ARSJ: variants seen among roughly 807,000 people sequenced by gnomAD.
The protein encoded by ARSJ is arylsulfatase J.
ARSJ carries 26 observed loss-of-function variants against 35.9 expected under a neutral mutation model. The ratio of observed to expected loss-of-function variants is 0.72; its 90% CI spans 0.53 to 1.00. ARSJ has a LOEUF of 1.00. ARSJ is among the 50% of genes least tolerant of loss of function. The pLI, the probability that ARSJ is intolerant of heterozygous loss-of-function variation, is 0.00. For missense variants in ARSJ, 667 were observed against 723.6 expected (o/e 0.92, Z 0.90); for synonymous variants, 294 against 267.6 (o/e 1.10, Z -0.96).
intron 1 of ARSJ, among the ~76,000 whole-genome samples, chr4:113,968,561 C>G (rs1490711623): frequency 1.3e-5 from 2 of 152,074 alleles, no homozygotes; most frequent in Non-Finnish European, 2.9e-5. Context: ...GAACACTCTA[C>G]CAAAGGAAGC....
At chr4:113,917,339 G>A (rs1181639085) in intron 1 of ARSJ, among the ~76,000 whole-genome samples, 1 of 151,992 alleles carries the variant, frequency 6.6e-6, no homozygotes, top group Non-Finnish European at 1.5e-5. Flanking sequence ...CCATATTCTT[G>A]AGCTTTTGCA....
chr4:113,932,673 T>C (rs1012494456), intron 1 of ARSJ, among the ~76,000 whole-genome samples: 3 of 151,868 alleles, frequency 2.0e-5, no homozygotes, highest in African/African-American at 7.2e-5. Context: ...AAAACTGATA[T>C]ATAACATACC....
intron 1 of ARSJ, among the ~76,000 whole-genome samples, chr4:113,939,828 G>C (rs1018966599): frequency 6.7e-4 from 102 of 152,092 alleles, no homozygotes; most frequent in Non-Finnish European, 1.0e-3. Flanking sequence ...TTAGCCCTTT[G>C]TCAGATGAGT....
At chr4:113,915,997 A>G (rs1430089401) in intron 1 of ARSJ, among the ~76,000 whole-genome samples, 2 of 152,212 alleles carry the variant, frequency 1.3e-5, no homozygotes, top group African/African-American at 4.8e-5. Flanking sequence ...TTAATCTCAC[A>G]TGCTCTCTAG....
At position 113,979,248 on chromosome 4, in the gene ARSJ, G is replaced by C. The variant is rs563488043; in HGVS notation, c.-414C>G. ...TGGGGAGCGAGGCTGACTCTCCTGG[G>C]AGTGCTGGTACGGAGGGCGGCGGGA... On this transcript the variant is annotated 5_prime_UTR_variant, in exon 1 of 2. Transcript: ENST00000315366. The C allele has an allele frequency of 6.0e-6, 1 of 165,742 alleles. No homozygotes were observed. The highest frequency in any genetic ancestry group is 1.3e-5 in the Non-Finnish European group (1 of 76,010). The allele number at this position is 165,742 out of a possible 1,614,324, so 10.3% of individuals were successfully genotyped here.
chr4:113,911,734 A>G (rs772223185), intron 1 of ARSJ, among the ~76,000 whole-genome samples: 4 of 152,186 alleles, frequency 2.6e-5, no homozygotes, highest in Admixed American at 6.6e-5. Flanking sequence ...GCATTTAGCT[A>G]GAGGCACCTG....
intron 1 of ARSJ, among the ~76,000 whole-genome samples, chr4:113,930,742 A>G (rs1724388691): frequency 2.0e-5 from 3 of 150,778 alleles, no homozygotes; most frequent in Non-Finnish European, 4.4e-5. Context: ...TTATTGTGGC[A>G]CTATTCACAA....
At chr4:113,945,322 C>T (rs574019275) in intron 1 of ARSJ, among the ~76,000 whole-genome samples, 1 of 152,020 alleles carries the variant, frequency 6.6e-6, no homozygotes, top group Admixed American at 6.6e-5. Context: ...TTTTTTGTAG[C>T]AATGGGGGTC....
At chr4:113,905,474 T>C (rs2099668427) in intron 1 of ARSJ, among the ~76,000 whole-genome samples, 1 of 152,004 alleles carries the variant, frequency 6.6e-6, no homozygotes, top group South Asian at 2.1e-4. Context: ...GGCACTGGAG[T>C]GATATCTGAT....
chr4:113,949,730 C>G (rs563692969), intron 1 of ARSJ, among the ~76,000 whole-genome samples: 2 of 152,098 alleles, frequency 1.3e-5, no homozygotes, highest in East Asian at 1.9e-4. Context: ...CCTCATTGCC[C>G]CATGGGATAG....
intron 1 of ARSJ, among the ~76,000 whole-genome samples, chr4:113,974,286 C>T (rs1354379734): frequency 1.3e-5 from 2 of 151,088 alleles, no homozygotes; most frequent in East Asian, 1.9e-4. Context: ...AAATTAAAAC[C>T]TCCCGTTAAT....
At chr4:113,967,459 A>G (rs1207478348) in intron 1 of ARSJ, among the ~76,000 whole-genome samples, 1 of 152,070 alleles carries the variant, frequency 6.6e-6, no homozygotes. Flanking sequence ...TTTTGCCCCT[A>G]TGGTCTTATT....
chr4:113,947,002 G>A (rs1241509990), intron 1 of ARSJ, among the ~76,000 whole-genome samples: 1 of 151,938 alleles, frequency 6.6e-6, no homozygotes, highest in Non-Finnish European at 1.5e-5. Flanking sequence ...AAATGAAGTG[G>A]TATCCAATAT....
chr4:113,914,360 A>G (rs1457442889), intron 1 of ARSJ, among the ~76,000 whole-genome samples: 1 of 152,204 alleles, frequency 6.6e-6, no homozygotes, highest in Non-Finnish European at 1.5e-5. Context: ...TAATATGGAC[A>G]GGACTGCCAT....
intron 1 of ARSJ, among the ~76,000 whole-genome samples, chr4:113,959,692 A>G (rs1189483628): frequency 6.6e-6 from 1 of 152,110 alleles, no homozygotes; most frequent in African/African-American, 2.4e-5. Context: ...TGTATATTAA[A>G]CATGTTTTTT....
chr4:113,963,230 G>A (rs1355300562), intron 1 of ARSJ, among the ~76,000 whole-genome samples: 1 of 151,884 alleles, frequency 6.6e-6, no homozygotes. Context: ...GATTTTTATA[G>A]GTTTGTCAAC....
rs75208950 is a variant in ARSJ at position 113,972,823 on chromosome 4, G to T, written c.398+5614C>A. ...CTGGCTGTCCCTGCCATATTTTCAA[G>T]TTGGGGCCGGGCTTTTACTCACATC... On this transcript the variant is annotated intron_variant, in intron 1 of 1. Coordinates refer to ENST00000315366, the MANE Select transcript of ARSJ (RefSeq NM_024590.4). 0.013 allele frequency among the ~76,000 whole-genome samples: 2,041 copies of T among 152,256 alleles called. 116 individuals carry two copies. The East Asian group carries it at 0.16, about 12-fold the overall frequency.
At chr4:113,939,172 T>C (rs1455654840) in intron 1 of ARSJ, among the ~76,000 whole-genome samples, 1 of 150,306 alleles carries the variant, frequency 6.7e-6, no homozygotes, top group Non-Finnish European at 1.5e-5. Flanking sequence ...TTTGGTTTTT[T>C]GTCCTTGCGA....
intron 1 of ARSJ, among the ~76,000 whole-genome samples, chr4:113,969,373 T>A (rs978768943): frequency 1.3e-5 from 2 of 150,772 alleles, no homozygotes; most frequent in Admixed American, 1.3e-4. Context: ...ACCCTTTTTT[T>A]AATCAACAGA....
Sources: allele counts gnomAD v4.1 joint callset (sites outside exome capture counted in the v4.1 genomes callset), GRCh38; gene constraint gnomAD v4.1.1; transcripts MANE v1.5; gene names NCBI Gene and HGNC (gene_info 2026-07-23, HGNC 2026-07-21).